The following TMEM181 variants were observed in gnomAD, a reference collection of about 807,000 sequenced individuals.
TMEM181 encodes transmembrane protein 181.
A neutral mutation model predicts 71.9 loss-of-function variants in TMEM181; 39 were observed. The ratio of observed to expected loss-of-function variants is 0.54; its 90% CI spans 0.42 to 0.71. TMEM181 has a LOEUF of 0.71. Among genes scored for constraint, TMEM181 ranks in the 30% least tolerant of loss-of-function variants. The pLI is 0.00. For missense variants in TMEM181, 595 were observed against 583.0 expected, an observed-to-expected ratio of 1.02 and a Z score of -0.21; for synonymous variants, 245 against 228.8, an observed-to-expected ratio of 1.07 and a Z score of -0.64.
In TMEM181 at chr6:158,633,938, A is replaced by G. The variant is rs1446107614; in HGVS notation, c.*2050A>G. 6.6e-6 allele frequency: 1 copy of G among 152,198 alleles called. No individual in the cohort carries two copies. Among genetic ancestry groups the G allele is most frequent in the Non-Finnish European group, 1.5e-5 (1 of 68,026 alleles). 9.4% of individuals were successfully genotyped at this position (152,198 alleles called of 1,614,324 possible). ...TCTGTGATATGGTTTACAACTTTTA[A>G]TCATAATTGTCCATGATTTTGGAAT... On this transcript the variant is annotated 3_prime_UTR_variant, in exon 17 of 17. Coordinates refer to ENST00000684151, the MANE Select transcript of TMEM181 (RefSeq NM_001376852.1).
chr6:158,553,012 C>A (rs1040506031), intron 1 of TMEM181, among the ~76,000 whole-genome samples: 2 of 151,928 alleles, frequency 1.3e-5, no homozygotes, highest in Non-Finnish European at 2.9e-5. Context: ...CATGGTGAGA[C>A]CCCAGTCCTG....
rs536158141 is a variant in TMEM181 at position 158,571,209 on chromosome 6, G to A, written c.9-2211G>A. Among the ~76,000 whole-genome samples, 78 of 152,216 alleles carry A rather than the reference G, an allele frequency of 5.1e-4. 3 individuals carry two copies. The highest frequency in any genetic ancestry group is 3.5e-3 in the South Asian group (17 of 4,826). ...CCTCCCGGGTTCGTGCCATTCTCCC[G>A]CCTCAGCCTCCCAAGTAGCTGGGAC... On this transcript the variant is annotated intron_variant, in intron 1 of 16. Transcript: ENST00000684151.
In TMEM181 at chr6:158,608,453, T is replaced by C. The variant is rs1785086127; in HGVS notation, c.794T>C (p.Ile265Thr). 5.6e-6 allele frequency: 9 copies of C among 1,614,214 alleles called. No individual in the cohort carries two copies. Among genetic ancestry groups the C allele is most frequent in the Middle Eastern group, 1.7e-4 (1 of 6,060 alleles). ...TTCTGGCTGTGCGTGTACCACGGGA[T>C]TCGTGTCCAGGTGAGCCGGAGCCGC... is the stretch of plus-strand genomic sequence containing the variant. ...LLFWLCVYHG[I>T]RVQGERKCLT... Residue 265 changes from isoleucine to threonine, a missense_variant, in exon 9 of 17, where the codon ATT (isoleucine) becomes ACT (threonine). By Grantham distance (89) the Ile-to-Thr change is moderately conservative. Transcript: ENST00000684151.
chr6:158,561,243 T>G lies in TMEM181; in HGVS notation c.8+1011T>G, dbSNP rs138548532. Among the ~76,000 whole-genome samples the G allele has an allele frequency of 1.3e-3, 201 of 152,330 alleles. 1 individual carries two copies. Among genetic ancestry groups the G allele is most frequent in the African/African-American group, 4.6e-3 (192 of 41,562 alleles). ...AGCGCAAGTGCCTGTGACAGAGAGA[T>G]CTGTTTTTCCTTCTGCTTCCTTAGA... On this transcript the variant is annotated intron_variant, in intron 1 of 16. Coordinates refer to ENST00000684151, the MANE Select transcript of TMEM181 (RefSeq NM_001376852.1).
intron 1 of TMEM181, among the ~76,000 whole-genome samples, chr6:158,538,454 C>CTTTTTTT (rs111437459): frequency 3.8e-4 from 55 of 143,944 alleles, no homozygotes; most frequent in Admixed American, 6.9e-4. Flanking sequence ...CATGCCTGGC[C>CTTTTTTT]TTTTTTTTTT....
At chr6:158,548,804 G>T (rs1490010394) in intron 1 of TMEM181, among the ~76,000 whole-genome samples, 1 of 152,240 alleles carries the variant, frequency 6.6e-6, no homozygotes, top group Non-Finnish European at 1.5e-5. Flanking sequence ...AGGAGACAAT[G>T]ATGGAGAGGC....
At chr6:158,553,476 G>T (rs781171043) in intron 1 of TMEM181, among the ~76,000 whole-genome samples, 3 of 152,090 alleles carry the variant, frequency 2.0e-5, no homozygotes, top group Non-Finnish European at 2.9e-5. Context: ...TGGTTATTTT[G>T]TCAATAACTC....
At position 158,608,429 on chromosome 6, in the gene TMEM181, T is replaced by G; in HGVS notation, c.770T>G (p.Phe257Cys). 2 of 1,614,216 alleles carry G rather than the reference T, an allele frequency of 1.2e-6. No homozygotes were observed. Among genetic ancestry groups the G allele is most frequent in the Non-Finnish European group, 1.7e-6 (2 of 1,180,046 alleles). Residue 257 changes from phenylalanine to cysteine, a missense_variant, in exon 9 of 17, where the codon TTC (phenylalanine) becomes TGC (cysteine). Physicochemically the swap from Phe to Cys is radical, Grantham distance 205. Transcript: ENST00000684151. ...ATGTTCCTGTGCGCCCTGCTGCTCT[T>G]CTGGCTGTGCGTGTACCACGGGATT... is the stretch of plus-strand genomic sequence containing the variant. ...QSMFLCALLL[F>C]WLCVYHGIRV...
chr6:158,573,627 C>A, intron 2 of TMEM181, 104 bp downstream of exon 2: 1 of 956,424 alleles, frequency 1.0e-6, no homozygotes, highest in Non-Finnish European at 1.6e-6. Context: ...CTGCTAAGGG[C>A]CCCAGCGTGG....
chr6:158,617,678 T>C (rs1785696893), intron 10 of TMEM181, among the ~76,000 whole-genome samples: 1 of 152,202 alleles, frequency 6.6e-6, no homozygotes, highest in South Asian at 2.1e-4. Flanking sequence ...GTATGTTGTG[T>C]CTTTGTTCTC....
At chr6:158,579,863 G>A (rs1423532442) in intron 2 of TMEM181, among the ~76,000 whole-genome samples, 2 of 152,190 alleles carry the variant, frequency 1.3e-5, no homozygotes, top group Non-Finnish European at 2.9e-5. Flanking sequence ...GGGGTACTTA[G>A]AGTAGTTAAA....
intron 6 of TMEM181, among the ~76,000 whole-genome samples, chr6:158,595,311 A>G (rs999719032): frequency 6.6e-6 from 1 of 152,270 alleles, no homozygotes; most frequent in Non-Finnish European, 1.5e-5. Flanking sequence ...ATGAATAGAT[A>G]GACGCTAATG....
chr6:158,561,821 T>TG (rs1446540297), intron 1 of TMEM181, among the ~76,000 whole-genome samples: 9 of 152,194 alleles, frequency 5.9e-5, no homozygotes, highest in African/African-American at 1.9e-4. Context: ...CGGAGGGGGA[T>TG]GAGGGTATCT....
At chr6:158,544,711 C>T (rs917723896) in intron 1 of TMEM181, among the ~76,000 whole-genome samples, 3 of 152,108 alleles carry the variant, frequency 2.0e-5, no homozygotes, top group African/African-American at 7.2e-5. Context: ...TCTTCATCAC[C>T]CCCTCCCCTG....
chr6:158,552,566 G>T (rs1781752945), intron 1 of TMEM181, among the ~76,000 whole-genome samples: 4 of 152,226 alleles, frequency 2.6e-5, no homozygotes, highest in Admixed American at 2.6e-4. Flanking sequence ...AAAGATTGCT[G>T]CTTCAGGTCT....
chr6:158,606,907 A>C (rs545879091), intron 7 of TMEM181, among the ~76,000 whole-genome samples: 56 of 152,270 alleles, frequency 3.7e-4, no homozygotes, highest in African/African-American at 1.3e-3. Flanking sequence ...GGCCCAGTGG[A>C]AGTGGGCCTT....
intron 1 of TMEM181, chr6:158,572,374 C>T (rs1053317495): frequency 2.0e-5 from 9 of 456,470 alleles, no homozygotes; most frequent in East Asian, 6.9e-5. Flanking sequence ...TGCTCGGTCT[C>T]CTTCCCGCTG....
intron 13 of TMEM181, chr6:158,626,828 A>G: frequency 2.3e-6 from 1 of 440,866 alleles, no homozygotes. Context: ...TCACACACAC[A>G]CCTTCACACA....
intron 7 of TMEM181, among the ~76,000 whole-genome samples, chr6:158,606,828 C>T (rs1284631503): frequency 6.6e-6 from 1 of 152,224 alleles, no homozygotes; most frequent in African/African-American, 2.4e-5. Flanking sequence ...GAACATGAGG[C>T]TCCTGTCACA....
Sources: gnomAD v4.1 joint callset for allele counts (sites outside exome capture counted in the v4.1 genomes callset) on GRCh38, gnomAD v4.1.1 for gene constraint, MANE v1.5 for transcripts, NCBI Gene and HGNC (gene_info 2026-07-23, HGNC 2026-07-21) for gene names.